KLHL24: variants seen among roughly 807,000 people sequenced by gnomAD.
The protein encoded by KLHL24 is kelch like family member 24.
In KLHL24, 29 loss-of-function variants were observed where a neutral mutation model predicts 53.4. That is an observed-to-expected ratio of 0.54 (90% CI 0.40 to 0.74). KLHL24 has a LOEUF of 0.74. Ranked by LOEUF, KLHL24 falls within the 30% of genes least tolerant of loss-of-function variation. KLHL24 has a pLI of 0.00. For synonymous variants in KLHL24, 222 were observed against 253.7 expected (o/e 0.88, Z 1.19); for missense variants, 504 against 744.0 (o/e 0.68, Z 3.75).
chr3:183,660,753 T>C (rs1380140744), intron 3 of KLHL24, among the ~76,000 whole-genome samples: 2 of 152,000 alleles, frequency 1.3e-5, no homozygotes, highest in Non-Finnish European at 2.9e-5. Flanking sequence ...TGATACTGTG[T>C]CCTCACCAAG....
At chr3:183,676,755 A>G (rs1711956622) in intron 7 of KLHL24, among the ~76,000 whole-genome samples, 1 of 152,180 alleles carries the variant, frequency 6.6e-6, no homozygotes, top group Admixed American at 6.5e-5. Context: ...ATTTTTTAAA[A>G]AGTCAGTGAT....
Position 183,650,442 on chromosome 3 carries a change from T to C in KLHL24, c.86T>C (p.Met29Thr). The change falls in exon 3 of 8, where the codon ATG becomes ACG. Residue 29 changes from methionine (M) to threonine (T), a missense_variant. By Grantham distance (81) the Met-to-Thr change is moderately conservative (BLOSUM62 -1). Coordinates refer to ENST00000242810, the MANE Select transcript of KLHL24 (RefSeq NM_017644.3). This position sits in a 1 kb window ranked among gnomAD's most constrained non-coding sequence, Gnocchi z 4.5. ...GCAACTAAGCGAAAAGTTTTTGAAA[T>C]GGACCCCAAATCTCTGACAGGTCAT... is the stretch of plus-strand genomic sequence containing the variant. Reference protein sequence around the residue: ...SPATKRKVFEMDPKSLTGHEF... With the variant: ...SPATKRKVFETDPKSLTGHEF... 1 of 1,614,168 alleles carries C rather than the reference T, an allele frequency of 6.2e-7. No homozygotes were observed. The highest frequency in any genetic ancestry group is 1.1e-5 in the South Asian group (1 of 91,086).
chr3:183,671,638 G>A (rs1305400582), intron 6 of KLHL24, among the ~76,000 whole-genome samples: 1 of 152,126 alleles, frequency 6.6e-6, no homozygotes, highest in African/African-American at 2.4e-5. Context: ...TCAGAAAAAA[G>A]GAAAGGAAAC....
intron 3 of KLHL24, among the ~76,000 whole-genome samples, chr3:183,656,781 C>T (rs530914162): frequency 1.1e-4 from 16 of 151,960 alleles, no homozygotes; most frequent in East Asian, 9.7e-4. Flanking sequence ...GATTCTGGGC[C>T]GGGCGCAGTG....
chr3:183,637,281 T>A (rs770701899), intron 1 of KLHL24, among the ~76,000 whole-genome samples: 1 of 152,202 alleles, frequency 6.6e-6, no homozygotes, highest in Non-Finnish European at 1.5e-5. Context: ...ATCTGCTTGT[T>A]GTTGGCTGAG....
Position 183,675,516 on chromosome 3 carries a change from A to G in KLHL24, c.1602+3032A>G, listed in dbSNP as rs201889989. ...CCCTACAGAAGCGACAGTGTACCCT[A>G]CTTGCATGAGAATCCTCATGTGGTC... On this transcript the variant is annotated intron_variant, in intron 7 of 7. Coordinates refer to ENST00000242810, the MANE Select transcript of KLHL24 (RefSeq NM_017644.3). Among the ~76,000 whole-genome samples the G allele has an allele frequency of 5.3e-5, 8 of 152,326 alleles. No homozygotes were observed. The East Asian group carries it at 1.2e-3, about 22-fold the overall frequency.
chr3:183,657,562 TAATA>T (rs1229799187), intron 3 of KLHL24, among the ~76,000 whole-genome samples: 2 of 152,238 alleles, frequency 1.3e-5, no homozygotes, highest in Admixed American at 6.5e-5. Context: ...TGTCATTATT[TAATA>T]AATCCCTTCA....
At chr3:183,644,268 C>G (rs1716916874) in intron 2 of KLHL24, 1 of 152,056 alleles carries the variant, frequency 6.6e-6, no homozygotes, top group Non-Finnish European at 1.5e-5. Context: ...AATGGGAAGG[C>G]AAAAGCTAGC....
rs201431286 is a variant in KLHL24 at position 183,647,424 on chromosome 3, T to A, written c.-61-2872T>A. On this transcript the variant is annotated intron_variant, in intron 2 of 7. Coordinates refer to ENST00000242810, the MANE Select transcript of KLHL24 (RefSeq NM_017644.3). ...AGCGAGACTCCGTCTCAAAAAAAATTAAAAAATAAAAAATGAAAAGGATTA... is the reference window on the plus strand; with the variant it reads ...AGCGAGACTCCGTCTCAAAAAAAATAAAAAAATAAAAAATGAAAAGGATTA... Among the ~76,000 whole-genome samples the A allele has an allele frequency of 1.7e-4, 23 of 134,862 alleles. No homozygotes were observed. In the East Asian group the frequency reaches 4.3e-3, roughly 25 times the overall value. 88.5% of individuals were successfully genotyped at this position (134,862 alleles called of 152,430 possible).
In KLHL24 at chr3:183,677,480, G is replaced by A. The variant is rs142243130; in HGVS notation, c.1603-1606G>A. The stretch of plus-strand genomic sequence containing the variant: ...TGGGTGTCTATAAATTCTAATATAG[G>A]CATTTTTAAGTACTCACAAATTCTT... On this transcript the variant is annotated intron_variant, in intron 7 of 7. Coordinates refer to ENST00000242810, the MANE Select transcript of KLHL24 (RefSeq NM_017644.3). Among the ~76,000 whole-genome samples the A allele has an allele frequency of 4.3e-3, 654 of 152,002 alleles. 6 individuals carry two copies. The highest frequency in any genetic ancestry group is 0.015 in the African/African-American group (615 of 41,464).
intron 1 of KLHL24, among the ~76,000 whole-genome samples, chr3:183,636,056 G>T (rs967363455): frequency 2.6e-5 from 4 of 152,142 alleles, no homozygotes; most frequent in African/African-American, 7.2e-5. Context: ...CCGCGGCGCG[G>T]CTGGTGCGGC....
intron 3 of KLHL24, among the ~76,000 whole-genome samples, chr3:183,656,899 A>G (rs1334940699): frequency 1.4e-5 from 2 of 143,222 alleles, no homozygotes; most frequent in African/African-American, 2.9e-5. Flanking sequence ...CGTTCTCCAG[A>G]AAAAGGAAAA....
At chr3:183,649,089 AG>A (rs1363055770) in intron 2 of KLHL24, among the ~76,000 whole-genome samples, 1 of 152,146 alleles carries the variant, frequency 6.6e-6, no homozygotes, top group African/African-American at 2.4e-5. Context: ...GTCATTTCTG[AG>A]GGGGTTTTGG....
rs1393143347 is a variant in KLHL24, at chr3:183,679,182, C to T, written c.1699C>T (p.Pro567Ser). ...CACAGACACTATTCTCTGTTATGAT[C>T]CTGCAACAAGTATCATCACAGGGGT... ...EATDTILCYD[P>S]ATSIITGVAA... is the part of the protein sequence containing the mutation. Residue 567 changes from proline (P) to serine (S), a missense_variant, in exon 8 of 8, where the codon CCT becomes TCT. Pro to Ser is a moderately conservative substitution (Grantham distance 74). Coordinates refer to ENST00000242810, the MANE Select transcript of KLHL24 (RefSeq NM_017644.3). 1 of 1,613,224 alleles carries T rather than the reference C, an allele frequency of 6.2e-7. No homozygotes were observed. The highest frequency in any genetic ancestry group is 8.5e-7 in the Non-Finnish European group (1 of 1,179,186).
At chr3:183,652,860 T>C (rs1035580388) in intron 3 of KLHL24, among the ~76,000 whole-genome samples, 6 of 152,208 alleles carry the variant, frequency 3.9e-5, no homozygotes, top group Non-Finnish European at 8.8e-5. Context: ...GCAGACTGAA[T>C]GGTCTGAGGT....
At chr3:183,667,331 G>A (rs1452315911) in intron 5 of KLHL24, among the ~76,000 whole-genome samples, 8 of 152,286 alleles carry the variant, frequency 5.3e-5, no homozygotes, top group South Asian at 4.1e-4. Flanking sequence ...CAGAAGAATC[G>A]CTTCTGGCGG....
chr3:183,682,979 C>G lies in KLHL24; in HGVS notation c.*3693C>G. 1 of 146,628 alleles carries G rather than the reference C, an allele frequency of 6.8e-6. No homozygotes were observed. Among genetic ancestry groups the G allele is most frequent in the Admixed American group, 7.0e-5 (1 of 14,212 alleles). The allele number at this position is 146,628 out of a possible 1,614,324, so 9.1% of individuals were successfully genotyped here. On this transcript the variant is annotated 3_prime_UTR_variant, in exon 8 of 8. Transcript: ENST00000242810. ...GGGAAGGGGGGAGAACGGGGTCTTG[C>G]TCTGTCGCCCAGGCTGGAGTGCAGT...
chr3:183,659,843 G>C (rs1231141011), intron 3 of KLHL24, among the ~76,000 whole-genome samples: 5 of 152,174 alleles, frequency 3.3e-5, no homozygotes, highest in Non-Finnish European at 7.3e-5. Context: ...AACATTTTGT[G>C]GATATTTACC....
chr3:183,639,074 G>A lies in KLHL24; in HGVS notation c.-125+3281G>A, dbSNP rs766775481. Among the ~76,000 whole-genome samples, 3 of 151,938 alleles carry A rather than the reference G, an allele frequency of 2.0e-5. No individual in the cohort carries two copies. The East Asian group carries it at 5.8e-4, about 30-fold the overall frequency. ...AAATTAGCCGGGTGTGGCCGCAGGC[G>A]GCTGTAATCCCAGCTACTTAGGAGG... On this transcript the variant is annotated intron_variant, in intron 1 of 7. Coordinates refer to ENST00000242810, the MANE Select transcript of KLHL24 (RefSeq NM_017644.3).
Sources: gnomAD v4.1 joint callset for allele counts (sites outside exome capture counted in the v4.1 genomes callset) on GRCh38, gnomAD v4.1.1 for gene constraint, Gnocchi (gnomAD v3.1) non-coding constraint, MANE v1.5 for transcripts, NCBI Gene and HGNC (gene_info 2026-07-23, HGNC 2026-07-21) for gene names.